PEF1: variants seen among roughly 807,000 people sequenced by gnomAD.
PEF1 encodes the protein penta-EF-hand domain containing 1, also known as peflin.
A neutral mutation model predicts 32.0 loss-of-function variants in PEF1; 17 were observed. That is an observed-to-expected ratio of 0.53 (90% CI 0.36 to 0.80). The LOEUF is 0.80. PEF1 is among the 30% of genes least tolerant of loss of function. The probability of loss-of-function intolerance (pLI) is 0.00; values close to 1 mark genes in which losing one functional copy is unlikely to be tolerated. For missense variants in PEF1, 362 were observed against 369.1 expected (o/e 0.98, Z 0.16); for synonymous variants, 130 against 139.8 (o/e 0.93, Z 0.50).
At chr1:31,644,141 C>T (rs986052714) in intron 1 of PEF1, 1 of 154,682 alleles carries the variant, frequency 6.5e-6, no homozygotes, top group East Asian at 1.9e-4. Flanking sequence ...CCAAAGTGCA[C>T]TTCAACACCC....
intron 2 of PEF1, among the ~76,000 whole-genome samples, chr1:31,634,376 T>C (rs1380606141): frequency 6.6e-6 from 1 of 152,326 alleles, no homozygotes; most frequent in East Asian, 1.9e-4. Flanking sequence ...TTAGGCAAAA[T>C]GTACAATTTT....
At chr1:31,631,807 G>A (rs1227421035) in intron 4 of PEF1, among the ~76,000 whole-genome samples, 2 of 152,170 alleles carry the variant, frequency 1.3e-5, no homozygotes, top group African/African-American at 2.4e-5. Flanking sequence ...CAGATGTGGT[G>A]CACTCACTCC....
intron 2 of PEF1, chr1:31,634,878 C>G: frequency 2.0e-6 from 1 of 489,796 alleles, no homozygotes; most frequent in Non-Finnish European, 4.0e-6. Flanking sequence ...GCTAGCTCTC[C>G]TGCTCCTTCT....
intron 1 of PEF1, 46 bp from the exon 2 acceptor site, chr1:31,635,568 T>C (rs773776264): frequency 1.2e-5 from 18 of 1,487,180 alleles, no homozygotes; most frequent in Admixed American, 2.4e-5. Flanking sequence ...GGCCAGAAAC[T>C]AGGCAGAGTA....
At chr1:31,638,437 T>G (rs1305998133) in intron 1 of PEF1, among the ~76,000 whole-genome samples, 1 of 152,186 alleles carries the variant, frequency 6.6e-6, no homozygotes, top group Non-Finnish European at 1.5e-5. Flanking sequence ...GAGTGGGAAC[T>G]CTGCAGAATC....
Position 31,633,266 on chromosome 1 carries a change from G to A in PEF1, c.374C>T (p.Ser125Leu), listed in dbSNP as rs1400913518. Residue 125 changes from serine to leucine, a missense_variant, in exon 3 of 5, where the codon TCG becomes TTG. Transcript: ENST00000373703. ...VDPEAYSWFQSVDSDHSGYIS... is the reference protein window; with the variant it reads ...VDPEAYSWFQLVDSDHSGYIS... ...ATAGCCACTGTGATCTGAGTCCACC[G>A]ACTGGAACCAGGAGTAGGCCTCAGG... is the stretch of plus-strand genomic sequence containing the variant. 1.6e-5 allele frequency: 26 copies of A among 1,613,836 alleles called. No homozygotes were observed. The highest frequency in any genetic ancestry group is 2.1e-5 in the Non-Finnish European group (25 of 1,179,952).
intron 2 of PEF1, among the ~76,000 whole-genome samples, chr1:31,633,976 A>C (rs557350312): frequency 2.4e-3 from 364 of 151,902 alleles, no homozygotes; most frequent in African/African-American, 8.4e-3. Flanking sequence ...AAACAAAAAA[A>C]CCCAAAAAAA....
intron 1 of PEF1, among the ~76,000 whole-genome samples, chr1:31,641,451 T>C (rs1273263112): frequency 6.6e-6 from 1 of 152,180 alleles, no homozygotes; most frequent in African/African-American, 2.4e-5. Context: ...ACTCTTAGGA[T>C]GAAGTCACAC....
chr1:31,642,031 A>C (rs956335442), intron 1 of PEF1, among the ~76,000 whole-genome samples: 12 of 152,238 alleles, frequency 7.9e-5, no homozygotes, highest in African/African-American at 2.9e-4. Flanking sequence ...TAGGAGTTTG[A>C]GACCAGCCTG....
At chr1:31,636,853 C>G (rs568434810) in intron 1 of PEF1, among the ~76,000 whole-genome samples, 1 of 152,306 alleles carries the variant, frequency 6.6e-6, no homozygotes, top group African/African-American at 2.4e-5. Context: ...CTCTCTCATC[C>G]ATCTTCCCAC....
At position 31,643,311 on chromosome 1, in the gene PEF1, A is replaced by G. The variant is rs79414887; in HGVS notation, c.24+1530T>C. 4.5e-3 allele frequency among the ~76,000 whole-genome samples: 648 copies of G among 144,870 alleles called. 4 individuals are homozygous for G. The highest frequency in any genetic ancestry group is 0.015 in the African/African-American group (605 of 41,258). On this transcript the variant is annotated intron_variant, in intron 1 of 4. Coordinates refer to ENST00000373703, the MANE Select transcript of PEF1 (RefSeq NM_012392.4). ...TTCTGAAATAGCTTGTGGTCAATAA[A>G]CTTATTCAGCTATACTTAAGAGTAT...
At chr1:31,644,478 G>A in intron 1 of PEF1, 1 of 1,208,992 alleles carries the variant, frequency 8.3e-7, no homozygotes, top group Non-Finnish European at 1.0e-6. Flanking sequence ...AAATGAGATC[G>A]GCGGAACCAG....
At chr1:31,643,865 T>G (rs1640472644) in intron 1 of PEF1, among the ~76,000 whole-genome samples, 1 of 152,196 alleles carries the variant, frequency 6.6e-6, no homozygotes. Flanking sequence ...AAATGAGGGC[T>G]CTATTTTGAG....
At chr1:31,642,627 T>C (rs1193431572) in intron 1 of PEF1, among the ~76,000 whole-genome samples, 1 of 152,038 alleles carries the variant, frequency 6.6e-6, no homozygotes, top group African/African-American at 2.4e-5. Context: ...GACAAGGGTA[T>C]GGTAGGAAAA....
chr1:31,635,058 C>A, intron 2 of PEF1, 164 bp downstream of exon 2: 1 of 925,244 alleles, frequency 1.1e-6, no homozygotes, highest in South Asian at 1.5e-5. Flanking sequence ...TGCAACAAAA[C>A]TAGCTGACAA....
intron 1 of PEF1, among the ~76,000 whole-genome samples, chr1:31,638,256 C>T (rs914311598): frequency 6.6e-6 from 1 of 152,088 alleles, no homozygotes; most frequent in African/African-American, 2.4e-5. Flanking sequence ...TAACCTAACC[C>T]CCATTTTACA....
At chr1:31,640,262 T>C (rs1640361084) in intron 1 of PEF1, among the ~76,000 whole-genome samples, 1 of 152,178 alleles carries the variant, frequency 6.6e-6, no homozygotes, top group Non-Finnish European at 1.5e-5. Flanking sequence ...AGGTAAACAG[T>C]GTCATCTCCA....
At chr1:31,644,523 CCCAAGGCCCCCATGAGGGCCT>C in intron 1 of PEF1, 1 of 1,339,526 alleles carries the variant, frequency 7.5e-7, no homozygotes, top group South Asian at 1.8e-5. Context: ...GATGCCCCCG[CCCAAGGCCCCCATGAGGGCCT>C]TGGGAGGCTG....
rs149013148 is a variant in PEF1, at chr1:31,635,410, T to A, written c.137A>T (p.Tyr46Phe). The change falls in exon 2 of 5, where the codon TAT (tyrosine) becomes TTT (phenylalanine). Residue 46 changes from tyrosine to phenylalanine, a missense_variant. By Grantham distance (22) the Tyr-to-Phe change is conservative. Coordinates refer to ENST00000373703, the MANE Select transcript of PEF1 (RefSeq NM_012392.4). ...AGGCCCTCCAGGGGCAGGACCCCCA[T>A]AACCACCACCAGGGGGTAGCCCACT... ...YGSGLPPGGG[Y>F]GGPAPGGPYG... 9.3e-6 allele frequency: 15 copies of A among 1,612,856 alleles called. No homozygotes were observed. Among genetic ancestry groups the A allele is most frequent in the Non-Finnish European group, 1.3e-5 (15 of 1,179,542 alleles).
Sources: allele counts gnomAD v4.1 joint callset (sites outside exome capture counted in the v4.1 genomes callset), GRCh38; gene constraint gnomAD v4.1.1; transcripts MANE v1.5; gene names NCBI Gene and HGNC (gene_info 2026-07-23, HGNC 2026-07-21).